The following IQUB variants were observed in gnomAD, a reference collection of about 807,000 sequenced individuals.
The protein encoded by IQUB is IQ motif and ubiquitin domain containing.
In IQUB, 86 loss-of-function variants were observed where a neutral mutation model predicts 86.4. The ratio of observed to expected loss-of-function variants is 1.00; its 90% CI spans 0.84 to 1.19. The LOEUF is 1.19. Ranked by LOEUF, IQUB falls within the 50% of genes most tolerant of loss-of-function variation. The pLI is 0.00. For missense variants in IQUB, 946 were observed against 916.9 expected, an observed-to-expected ratio of 1.03 and a Z score of -0.41; for synonymous variants, 289 against 304.5, an observed-to-expected ratio of 0.95 and a Z score of 0.53.
At chr7:123,494,616 TATATAAA>T (rs770788643) in intron 7 of IQUB, among the ~76,000 whole-genome samples, 3 of 152,150 alleles carry the variant, frequency 2.0e-5, no homozygotes, top group Non-Finnish European at 2.9e-5. Flanking sequence ...TATGTGGACT[TATATAAA>T]ATATATCTGT....
At chr7:123,530,539 C>T (rs1187779130) in intron 1 of IQUB, among the ~76,000 whole-genome samples, 1 of 151,978 alleles carries the variant, frequency 6.6e-6, no homozygotes, top group Non-Finnish European at 1.5e-5. Flanking sequence ...TTTTAATTTT[C>T]AGGGAAAAAA....
chr7:123,527,842 C>A (rs1584663343), intron 1 of IQUB, among the ~76,000 whole-genome samples: 2 of 152,338 alleles, frequency 1.3e-5, no homozygotes, highest in East Asian at 1.9e-4. Context: ...GTGGGCTCCA[C>A]CCAGTTGGAG....
chr7:123,528,175 C>T (rs1365595882), intron 1 of IQUB, among the ~76,000 whole-genome samples: 3 of 152,114 alleles, frequency 2.0e-5, no homozygotes, highest in Non-Finnish European at 2.9e-5. Context: ...TGCTTCGGCT[C>T]GCGCACGGTG....
chr7:123,475,231 T>C (rs1794695021), intron 8 of IQUB, among the ~76,000 whole-genome samples: 1 of 152,100 alleles, frequency 6.6e-6, no homozygotes, highest in Non-Finnish European at 1.5e-5. Flanking sequence ...GAACAATTCT[T>C]TCTGTACTCA....
Position 123,469,268 on chromosome 7 carries a change from AT to A in IQUB, c.1526del (p.Asn509IlefsTer12). On this transcript the variant is annotated frameshift_variant, in exon 9 of 13. Transcript: ENST00000324698. LOFTEE classifies it high-confidence loss of function. The stretch of plus-strand genomic sequence containing the variant: ...CATCCAGCCTCTCATCTTGGGAGAT[AT>A]TTTTCAGCATAATGCACTTATAGAT... Reference protein sequence around the residue: ...QNIYKCIMLKNISQDERLDVL... With the variant: ...QNIYKCIMLKXISQDERLDVL... 1 of 1,606,792 alleles carries A rather than the reference AT, an allele frequency of 6.2e-7. No individual in the cohort carries two copies. The highest frequency in any genetic ancestry group is 8.5e-7 in the Non-Finnish European group (1 of 1,176,620).
chr7:123,457,337 C>A (rs1793745143), intron 12 of IQUB, 44 bp downstream of exon 12: 1 of 1,593,858 alleles, frequency 6.3e-7, no homozygotes, highest in South Asian at 1.1e-5. Context: ...GCTAATAATT[C>A]CAATGATTAA....
At chr7:123,485,131 C>A (rs917699844) in intron 7 of IQUB, among the ~76,000 whole-genome samples, 4 of 151,978 alleles carry the variant, frequency 2.6e-5, no homozygotes, top group Non-Finnish European at 5.9e-5. Context: ...AACAAAGTAC[C>A]ATTGGTTGGG....
intron 8 of IQUB, among the ~76,000 whole-genome samples, chr7:123,477,731 A>G (rs1488623067): frequency 1.3e-5 from 2 of 152,190 alleles, no homozygotes; most frequent in African/African-American, 2.4e-5. Flanking sequence ...CACAGAACTT[A>G]AACAAATTTA....
chr7:123,493,749 GTGTGTGTGTGTGTGTGTGTGTGTGTGCA>G, intron 7 of IQUB, among the ~76,000 whole-genome samples: 1 of 150,888 alleles, frequency 6.6e-6, no homozygotes, highest in Non-Finnish European at 1.5e-5. Flanking sequence ...GTGTGTGTGT[GTGTGTGTGTGTGTGTGTGTGTGTGTGCA>G]TGTGTGTATA....
Position 123,511,842 on chromosome 7 carries a change from A to G in IQUB, c.397+102T>C, listed in dbSNP as rs1019365824. The G allele has an allele frequency of 1.5e-5, 13 of 860,170 alleles. No individual in the cohort carries two copies. In the South Asian group the frequency reaches 2.6e-4, roughly 17 times the overall value. 53.3% of individuals were successfully genotyped at this position (860,170 alleles called of 1,614,324 possible). A position where few individuals can be genotyped will look rare whatever the true frequency, so the allele number is the denominator to read the frequency against. On this transcript the variant is annotated intron_variant, in intron 2 of 12. Coordinates refer to ENST00000324698, the MANE Select transcript of IQUB (RefSeq NM_178827.5). ...GTGGATAAGGGAAAGGGAAAGGAAT[A>G]TCAAATATAAAACAAATCTTTAAGC...
chr7:123,514,019 C>T (rs1484780030), intron 1 of IQUB, among the ~76,000 whole-genome samples: 3 of 152,038 alleles, frequency 2.0e-5, no homozygotes, highest in African/African-American at 7.2e-5. Context: ...ATCCTCAGAT[C>T]CAGGAAGCAT....
Position 123,457,568 on chromosome 7 carries a change from T to A in IQUB, c.2008-2A>T. On this transcript the variant is annotated splice_acceptor_variant, in intron 11 of 12. Coordinates refer to ENST00000324698, the MANE Select transcript of IQUB (RefSeq NM_178827.5). LOFTEE classifies it high-confidence loss of function. ...TGTCAGGTACTGAATGTCTTGTAGC[T>A]GCATGTCAAAGCAAGTTTTAAAAAC... 1 of 1,596,142 alleles carries A rather than the reference T, an allele frequency of 6.3e-7. No individual in the cohort carries two copies. Among genetic ancestry groups the A allele is most frequent in the Non-Finnish European group, 8.5e-7 (1 of 1,174,196 alleles).
chr7:123,514,011 C>A (rs1164288828), intron 1 of IQUB, among the ~76,000 whole-genome samples: 1 of 152,064 alleles, frequency 6.6e-6, no homozygotes, highest in Admixed American at 6.6e-5. Flanking sequence ...GAATACGGAT[C>A]CTCAGATCCA....
At chr7:123,461,677 G>C (rs1310914886) in intron 10 of IQUB, 72 bp from the exon 11 acceptor site, 2 of 1,304,146 alleles carry the variant, frequency 1.5e-6, no homozygotes, top group African/African-American at 3.0e-5. Context: ...CCTAACCAAT[G>C]GAAGCATCAA....
intron 7 of IQUB, among the ~76,000 whole-genome samples, chr7:123,493,887 G>T (rs925949047): frequency 2.6e-5 from 4 of 151,360 alleles, no homozygotes; most frequent in African/African-American, 9.7e-5. Context: ...CAGGGAGGAG[G>T]GGTGGGAAGG....
chr7:123,496,808 CTG>C lies in IQUB; in HGVS notation c.1120_1121del (p.Gln374AlafsTer22). The C allele has an allele frequency of 6.2e-7, 1 of 1,612,242 alleles. No individual in the cohort carries two copies. Among genetic ancestry groups the C allele is most frequent in the African/African-American group, 1.3e-5 (1 of 74,970 alleles). On this transcript the variant is annotated frameshift_variant, in exon 7 of 13. Transcript: ENST00000324698. LOFTEE classifies it high-confidence loss of function. ...TTTCTCTTATCTTCCTTAGTTCTTG[CTG>C]TGTTTCCCATTCCAGTCTTAAGCTT... The part of the protein sequence containing the change: ...QKSLRLEWET[Q>X]QELRKIREKE...
chr7:123,465,074 C>A, intron 9 of IQUB, 65 bp from the exon 10 acceptor site: 1 of 1,090,636 alleles, frequency 9.2e-7, no homozygotes, highest in Non-Finnish European at 1.3e-6. Context: ...TTTCAAATTG[C>A]CACCAAAACA....
At chr7:123,469,456 T>C in intron 8 of IQUB, 72 bp from the exon 9 acceptor site, 1 of 807,812 alleles carries the variant, frequency 1.2e-6, no homozygotes, top group Non-Finnish European at 1.8e-6. Flanking sequence ...CTCCTTCTAC[T>C]AAAAGTCTAC....
chr7:123,458,331 A>T (rs940795), intron 11 of IQUB, among the ~76,000 whole-genome samples: 124,066 of 151,830 alleles, frequency 0.82, 50,732 homozygotes, highest in African/African-American at 0.83. Flanking sequence ...AATATTTTTT[A>T]AAAAAGCTTC....
Sources: allele counts gnomAD v4.1 joint callset (sites outside exome capture counted in the v4.1 genomes callset), GRCh38; gene constraint gnomAD v4.1.1; transcripts MANE v1.5; gene names NCBI Gene and HGNC (gene_info 2026-07-23, HGNC 2026-07-21).